PROS1: variants seen among roughly 807,000 people sequenced by gnomAD.
PROS1 encodes protein S.
PROS1 carries 29 observed loss-of-function variants against 75.9 expected under a neutral mutation model. That is an observed-to-expected ratio of 0.38 (90% CI 0.28 to 0.52). The LOEUF is 0.52. PROS1 is among the 20% of genes least tolerant of loss of function. The pLI is 0.83. For synonymous variants in PROS1, 245 were observed against 280.6 expected (o/e 0.87, Z 1.27); for missense variants, 680 against 810.3 (o/e 0.84, Z 1.95).
chr3:93,941,637 C>T (rs1358780287), intron 1 of PROS1, among the ~76,000 whole-genome samples: 1 of 152,164 alleles, frequency 6.6e-6, no homozygotes, highest in Admixed American at 6.5e-5. Context: ...TCATCCCAAC[C>T]CTTTTCATTA....
At position 93,910,637 on chromosome 3, in the gene PROS1, G is replaced by T; in HGVS notation, c.328C>A (p.Leu110Ile). 2 of 1,613,196 alleles carry T rather than the reference G, an allele frequency of 1.2e-6. No individual in the cohort carries two copies. ...ARQSTNAYPD[L>I]RSCVNAIPDQ... is the part of the protein sequence containing the mutation. ...TGCTTACCATTGACACAGCTTCTTA[G>T]GTCAGGATAAGCATTAGTTGACTGA... Residue 110 changes from leucine to isoleucine, a missense_variant, in exon 4 of 15, where the codon CTA becomes ATA. Coordinates refer to ENST00000394236, the MANE Select transcript of PROS1 (RefSeq NM_000313.4).
At chr3:93,962,240 A>G (rs1709718447) in intron 1 of PROS1, among the ~76,000 whole-genome samples, 2 of 152,004 alleles carry the variant, frequency 1.3e-5, no homozygotes, top group African/African-American at 4.8e-5. Context: ...AAGGATTAAC[A>G]AGCAGAGATC....
intron 1 of PROS1, among the ~76,000 whole-genome samples, chr3:93,936,250 T>C (rs1000577971): frequency 1.6e-4 from 24 of 151,964 alleles, no homozygotes; most frequent in African/African-American, 5.8e-4. Context: ...TAATAGACTC[T>C]GATGACTATT....
intron 12 of PROS1, among the ~76,000 whole-genome samples, chr3:93,881,656 C>T (rs1287420932): frequency 2.8e-5 from 4 of 144,272 alleles, no homozygotes; most frequent in African/African-American, 1.0e-4. Context: ...ACATATTGGG[C>T]TCAAGCCATC....
At chr3:93,952,358 C>T (rs1020861034) in intron 1 of PROS1, among the ~76,000 whole-genome samples, 1 of 152,114 alleles carries the variant, frequency 6.6e-6, no homozygotes, top group African/African-American at 2.4e-5. Flanking sequence ...TCTAAAAGAA[C>T]AGAAATTATA....
intron 4 of PROS1, among the ~76,000 whole-genome samples, chr3:93,908,554 A>G (rs1293226729): frequency 6.6e-6 from 1 of 152,198 alleles, no homozygotes; most frequent in Non-Finnish European, 1.5e-5. Flanking sequence ...GAGTCTCCAG[A>G]GATCTGCAAA....
chr3:93,928,839 A>G, intron 1 of PROS1: 1 of 803,758 alleles, frequency 1.2e-6, no homozygotes, highest in Non-Finnish European at 1.8e-6. Context: ...AACCATCACT[A>G]CAGAGAATAA....
intron 6 of PROS1, among the ~76,000 whole-genome samples, chr3:93,904,803 T>C (rs1175942387): frequency 6.6e-6 from 1 of 151,670 alleles, no homozygotes; most frequent in Non-Finnish European, 1.5e-5. Context: ...TGAAAGACAG[T>C]ATACAAAGAG....
chr3:93,898,511 A>T lies in PROS1; in HGVS notation c.786T>A (p.Gly262=). Residue 262 remains glycine, a synonymous_variant, in exon 8 of 15, where the codon GGT becomes GGA. Coordinates refer to ENST00000394236, the MANE Select transcript of PROS1 (RefSeq NM_000313.4). ...CAQLCVNYPG[G]YTCYCDGKKG... The stretch of plus-strand genomic sequence containing the variant: ...TCTTCCCATCACAATAGCAAGTGTA[A>T]CCTCCAGGGTAATTGACACAAAGCT... 6.2e-7 allele frequency: 1 copy of T among 1,612,862 alleles called. No individual in the cohort carries two copies. Among genetic ancestry groups the T allele is most frequent in the Non-Finnish European group, 8.5e-7 (1 of 1,179,076 alleles).
At chr3:93,876,022 G>C (rs1241125023) in intron 14 of PROS1, among the ~76,000 whole-genome samples, 2 of 152,048 alleles carry the variant, frequency 1.3e-5, no homozygotes, top group Non-Finnish European at 2.9e-5. Context: ...CCATGCAACT[G>C]CTCATGCCAG....
chr3:93,903,667 TA>T (rs1265983489), intron 6 of PROS1, among the ~76,000 whole-genome samples: 1 of 152,060 alleles, frequency 6.6e-6, no homozygotes, highest in Non-Finnish European at 1.5e-5. Context: ...CTATCTATCT[TA>T]AAAAAACAAT....
chr3:93,929,206 G>A (rs927592230), intron 1 of PROS1, among the ~76,000 whole-genome samples: 10 of 152,140 alleles, frequency 6.6e-5, no homozygotes, highest in African/African-American at 9.7e-5. Context: ...GATCAGGCAC[G>A]GTGGCTCATG....
At chr3:93,897,108 A>G (rs1424129898) in intron 8 of PROS1, among the ~76,000 whole-genome samples, 3 of 152,150 alleles carry the variant, frequency 2.0e-5, no homozygotes, top group Non-Finnish European at 4.4e-5. Flanking sequence ...TAATGTACCA[A>G]TAAACAGCAC....
Position 93,910,681 on chromosome 3 carries a change from C to T in PROS1, c.284G>A (p.Gly95Glu), listed in dbSNP as rs144526169. 5.7e-4 allele frequency: 920 copies of T among 1,613,280 alleles called. 1 individual carries two copies. The highest frequency in any genetic ancestry group is 7.3e-4 in the Non-Finnish European group (860 of 1,179,560). ...TGACTGACGTGCAGCAGTGAATAAC[C>T]CAGTTTGAAAAGAGCGAAGACAAAC... ...YLVCLRSFQT[G>E]LFTAARQSTN... Residue 95 changes from glycine to glutamate, a missense_variant, in exon 4 of 15, where the codon GGG (glycine) becomes GAG (glutamate). Gly to Glu is a moderately conservative substitution (Grantham distance 98). Coordinates refer to ENST00000394236, the MANE Select transcript of PROS1 (RefSeq NM_000313.4).
At position 93,925,821 on chromosome 3, in the gene PROS1, TA is replaced by T. The variant is rs35893198; in HGVS notation, c.234+1428del. 4.9e-3 allele frequency among the ~76,000 whole-genome samples: 525 copies of T among 107,552 alleles called. 2 individuals carry two copies. Among genetic ancestry groups the T allele is most frequent in the Middle Eastern group, 0.016 (3 of 190 alleles). The allele number at this position is 107,552 out of a possible 152,430, so 70.6% of individuals were successfully genotyped here. A position where few individuals can be genotyped will look rare whatever the true frequency, so the allele number is the denominator to read the frequency against. Reference sequence around the variant, plus strand: ...CTGGGCAACAGAGCAAGACCCTGTCTAAAAAAAAAAAAAAAAAAAGTAACTT... The same window carrying T: ...CTGGGCAACAGAGCAAGACCCTGTCTAAAAAAAAAAAAAAAAAAGTAACTT... On this transcript the variant is annotated intron_variant, in intron 2 of 14. Coordinates refer to ENST00000394236, the MANE Select transcript of PROS1 (RefSeq NM_000313.4).
At chr3:93,883,275 AG>A (rs1344664931) in intron 12 of PROS1, among the ~76,000 whole-genome samples, 1 of 152,120 alleles carries the variant, frequency 6.6e-6, no homozygotes, top group Admixed American at 6.5e-5. Flanking sequence ...CGTATTATGG[AG>A]GGAATACATA....
At chr3:93,937,175 C>A (rs943129503) in intron 1 of PROS1, among the ~76,000 whole-genome samples, 8 of 152,040 alleles carry the variant, frequency 5.3e-5, no homozygotes, top group Non-Finnish European at 7.4e-5. Flanking sequence ...AGTTTCTGTC[C>A]CTTTTAAGGG....
At chr3:93,927,216 A>C in intron 2 of PROS1, 34 bp downstream of exon 2, 2 of 1,611,320 alleles carry the variant, frequency 1.2e-6, no homozygotes, top group South Asian at 2.2e-5. Context: ...GTATGTCTAG[A>C]TGTGTGAACT....
intron 1 of PROS1, among the ~76,000 whole-genome samples, chr3:93,930,045 A>C (rs1388401929): frequency 6.6e-6 from 1 of 152,238 alleles, no homozygotes; most frequent in Non-Finnish European, 1.5e-5. Flanking sequence ...AACTAAAAAA[A>C]TCTTTCAAGA....
Sources: allele counts gnomAD v4.1 joint callset (sites outside exome capture counted in the v4.1 genomes callset), GRCh38; gene constraint gnomAD v4.1.1; transcripts MANE v1.5; gene names NCBI Gene and HGNC (gene_info 2026-07-23, HGNC 2026-07-21).